CATSPERD: variants seen among roughly 807,000 people sequenced by gnomAD.
CATSPERD encodes cation channel sperm-associated auxiliary subunit delta.
In CATSPERD, 86 loss-of-function variants were observed where a neutral mutation model predicts 98.1. The ratio of observed to expected loss-of-function variants is 0.88; its 90% CI spans 0.74 to 1.05. The LOEUF (loss-of-function observed/expected upper bound fraction) is 1.05. Among genes scored for constraint, CATSPERD ranks in the 50% least tolerant of loss-of-function variants. The pLI, the probability that CATSPERD is intolerant of heterozygous loss-of-function variation, is 0.00. For missense variants in CATSPERD, 995 were observed against 1,005.7 expected (o/e 0.99, Z 0.14); for synonymous variants, 394 against 390.2 (o/e 1.01, Z -0.12).
intron 14 of CATSPERD, 94 bp downstream of exon 14, chr19:5,758,026 G>C: frequency 9.2e-7 from 1 of 1,090,456 alleles, no homozygotes; most frequent in Admixed American, 2.4e-5. Context: ...GGAGTTTCCA[G>C]GGTACATAGC....
At chr19:5,773,634 A>G (rs1233003874) in intron 20 of CATSPERD, among the ~76,000 whole-genome samples, 1 of 151,136 alleles carries the variant, frequency 6.6e-6, no homozygotes, top group African/African-American at 2.4e-5. Flanking sequence ...CTCCCACTTC[A>G]GCCTCCCAAT....
At chr19:5,773,046 C>T (rs1398375909) in intron 20 of CATSPERD, 81 bp downstream of exon 20, 10 of 1,396,768 alleles carry the variant, frequency 7.2e-6, no homozygotes, top group Non-Finnish European at 9.8e-6. Flanking sequence ...ACCGTGCGGC[C>T]ATGGAACTGA....
Position 5,720,687 on chromosome 19 carries a change from C to T in CATSPERD, c.-51C>T. 6.4e-7 allele frequency: 1 copy of T among 1,556,220 alleles called. No homozygotes were observed. Among genetic ancestry groups the T allele is most frequent in the Non-Finnish European group, 8.8e-7 (1 of 1,140,856 alleles). On this transcript the variant is annotated 5_prime_UTR_variant, in exon 1 of 22. Coordinates refer to ENST00000381624, the MANE Select transcript of CATSPERD (RefSeq NM_152784.4). ...GCCTGCACGTACTCGGATTGTGCAGCGACTCCCCGTGGCGGTTGAGGGGCA... is the reference window on the plus strand; with the variant it reads ...GCCTGCACGTACTCGGATTGTGCAGTGACTCCCCGTGGCGGTTGAGGGGCA...
chr19:5,760,584 G>A (rs1175619978), intron 15 of CATSPERD, among the ~76,000 whole-genome samples: 3 of 151,470 alleles, frequency 2.0e-5, no homozygotes, highest in Non-Finnish European at 2.9e-5. Context: ...GGTGCCAGGG[G>A]CTGGGGAGGG....
At chr19:5,747,960 C>T (rs557607361) in intron 9 of CATSPERD, among the ~76,000 whole-genome samples, 200 bp from the exon 10 acceptor site, 1 of 152,224 alleles carries the variant, frequency 6.6e-6, no homozygotes, top group East Asian at 1.9e-4. Context: ...TCATGCTTAA[C>T]AAAATTGTGT....
intron 15 of CATSPERD, among the ~76,000 whole-genome samples, chr19:5,760,863 T>A (rs1291597185): frequency 6.6e-6 from 1 of 151,256 alleles, no homozygotes; most frequent in South Asian, 2.1e-4. Context: ...TAGTAAGTTA[T>A]GGGCATGACA....
intron 1 of CATSPERD, among the ~76,000 whole-genome samples, chr19:5,722,045 A>C (rs1309882756): frequency 6.6e-6 from 1 of 151,080 alleles, no homozygotes. Flanking sequence ...TTGAACTCCT[A>C]GGCTCCAGTG....
intron 17 of CATSPERD, among the ~76,000 whole-genome samples, chr19:5,767,026 C>T (rs901173184): frequency 1.3e-5 from 2 of 150,932 alleles, no homozygotes; most frequent in East Asian, 2.0e-4. Flanking sequence ...TTTTAAAAAG[C>T]CAGACCAGTG....
In CATSPERD at chr19:5,724,830, A is replaced by G; in HGVS notation, c.94A>G (p.Lys32Glu). The G allele has an allele frequency of 6.2e-7, 1 of 1,614,126 alleles. No homozygotes were observed. Among genetic ancestry groups the G allele is most frequent in the Non-Finnish European group, 8.5e-7 (1 of 1,179,966 alleles). Residue 32 changes from lysine to glutamate, a missense_variant, in exon 2 of 22, where the codon AAA (lysine) becomes GAA (glutamate). Lys to Glu is a moderately conservative substitution (Grantham distance 56). This residue lies in a region of CATSPERD where 228 missense variants were observed against 209.6 expected (regional missense o/e 1.09). Coordinates refer to ENST00000381624, the MANE Select transcript of CATSPERD (RefSeq NM_152784.4). ...TAGTTCTCGCACAGTGAGGACAGGA[A>G]AAGTGTTTAATCTGATACAGGACGT... ...LCRSRTVRTG[K>E]VFNLIQDVQG... is the part of the protein sequence containing the mutation.
intron 21 of CATSPERD, among the ~76,000 whole-genome samples, chr19:5,777,983 CG>C (rs1315552620): frequency 6.7e-6 from 1 of 150,300 alleles, no homozygotes. Context: ...CAGAGGCGGG[CG>C]GATCACTTGA....
chr19:5,728,754 A>G (rs2055659059), intron 3 of CATSPERD, among the ~76,000 whole-genome samples: 1 of 149,136 alleles, frequency 6.7e-6, no homozygotes, highest in Admixed American at 6.8e-5. Context: ...GCTGCAATGC[A>G]GTGGCGCAAT....
intron 7 of CATSPERD, among the ~76,000 whole-genome samples, chr19:5,742,771 G>A (rs540656504): frequency 1.8e-4 from 28 of 151,986 alleles, no homozygotes; most frequent in Admixed American, 1.3e-4. Context: ...CCTGGGGGAC[G>A]GAGAGATATC....
Position 5,725,452 on chromosome 19 carries a change from T to C in CATSPERD, c.126+590T>C, listed in dbSNP as rs186075329. Among the ~76,000 whole-genome samples, 4 of 152,094 alleles carry C rather than the reference T, an allele frequency of 2.6e-5. No homozygotes were observed. The East Asian group carries it at 7.7e-4, about 29-fold the overall frequency. ...AGACGTTCACCACCGTGCCCAGCCT[T>C]GATGGGAGATTTTAAAATGCATAGT... On this transcript the variant is annotated intron_variant, in intron 2 of 21. Coordinates refer to ENST00000381624, the MANE Select transcript of CATSPERD (RefSeq NM_152784.4).
intron 13 of CATSPERD, 51 bp from the exon 14 acceptor site, chr19:5,757,792 C>A: frequency 1.4e-6 from 2 of 1,455,782 alleles, no homozygotes; most frequent in Non-Finnish European, 1.9e-6. Flanking sequence ...TTTGTCACCC[C>A]GTCCTGCCTG....
intron 7 of CATSPERD, among the ~76,000 whole-genome samples, chr19:5,742,358 ATGTT>A (rs1383093167): frequency 6.6e-6 from 1 of 151,590 alleles, no homozygotes; most frequent in Non-Finnish European, 1.5e-5. Flanking sequence ...GTGTGCATGT[ATGTT>A]TGTGCGTGTG....
intron 5 of CATSPERD, among the ~76,000 whole-genome samples, chr19:5,734,579 G>A (rs183728101): frequency 2.4e-4 from 36 of 151,912 alleles, no homozygotes; most frequent in Admixed American, 1.1e-3. Context: ...TGGAGGTTGC[G>A]GTGAGCCGAG....
rs34774431 is a variant in CATSPERD, at chr19:5,769,162, AAGAG to A, written c.1634+933_1634+936del. 2.6e-4 allele frequency among the ~76,000 whole-genome samples: 39 copies of A among 149,574 alleles called. No individual in the cohort carries two copies. In the South Asian group the frequency reaches 3.8e-3, roughly 15 times the overall value. On this transcript the variant is annotated intron_variant, in intron 18 of 21. Coordinates refer to ENST00000381624, the MANE Select transcript of CATSPERD (RefSeq NM_152784.4). ...GAGCAAGACTCTGTCTCAAAAAAAAAAGAGAGAGAGAGAGAGGAGGGAGGAGGCT... is the reference window on the plus strand; with the variant it reads ...GAGCAAGACTCTGTCTCAAAAAAAAAAGAGAGAGAGAGGAGGGAGGAGGCT...
At chr19:5,775,702 C>G (rs929755834) in intron 20 of CATSPERD, among the ~76,000 whole-genome samples, 3 of 149,082 alleles carry the variant, frequency 2.0e-5, no homozygotes, top group African/African-American at 7.4e-5. Flanking sequence ...CAGGGAGGAG[C>G]AGGTAACGAT....
intron 16 of CATSPERD, among the ~76,000 whole-genome samples, chr19:5,765,874 C>G (rs899062163): frequency 6.6e-6 from 1 of 151,974 alleles, no homozygotes; most frequent in Non-Finnish European, 1.5e-5. Context: ...CCACTAATAG[C>G]TCCTCAGGCG....
Sources: allele counts gnomAD v4.1 joint callset (sites outside exome capture counted in the v4.1 genomes callset), GRCh38; gene constraint gnomAD v4.1.1; regional missense constraint gnomAD v4.1.1; transcripts MANE v1.5; gene names NCBI Gene and HGNC (gene_info 2026-07-23, HGNC 2026-07-21).